Variants in AGMO observed in about 807,000 individuals in gnomAD.
The protein encoded by AGMO is glyceryl-ether monooxygenase.
A neutral mutation model predicts 60.2 loss-of-function variants in AGMO; 75 were observed. The ratio of observed to expected loss-of-function variants is 1.25; its 90% CI spans 1.03 to 1.51. The LOEUF (loss-of-function observed/expected upper bound fraction) is 1.51. Ranked by LOEUF, AGMO falls within the 40% of genes most tolerant of loss-of-function variation. AGMO has a pLI of 0.00. For synonymous variants in AGMO, 261 were observed against 177.1 expected (o/e 1.47, Z -3.76); for missense variants, 763 against 525.5 (o/e 1.45, Z -4.42).
At chr7:15,393,674 G>C (rs35049920) in intron 6 of AGMO, among the ~76,000 whole-genome samples, 55,092 of 151,690 alleles carry the variant, frequency 0.36, 10,387 homozygotes, top group Middle Eastern at 0.49. Context: ...AACGCCTTAG[G>C]CAGGAAGGTG....
intron 12 of AGMO, among the ~76,000 whole-genome samples, chr7:15,325,682 A>G (rs916778831): frequency 6.6e-6 from 1 of 152,206 alleles, no homozygotes. Flanking sequence ...CAAAATGCTT[A>G]AACTGAAAAT....
chr7:15,251,306 G>A (rs1340243472), intron 12 of AGMO, among the ~76,000 whole-genome samples: 3 of 152,084 alleles, frequency 2.0e-5, no homozygotes, highest in African/African-American at 7.2e-5. Flanking sequence ...CAGAGACTGA[G>A]GGGTCTATAA....
intron 12 of AGMO, among the ~76,000 whole-genome samples, chr7:15,354,354 AGACGTGTG>A (rs1563104983): frequency 4.7e-4 from 36 of 76,428 alleles, no homozygotes; most frequent in Non-Finnish European, 8.0e-4. Flanking sequence ...GCGTGTATAT[AGACGTGTG>A]TATATAGACG....
the AGMO span, among the ~76,000 whole-genome samples, chr7:15,158,437 A>G: frequency 6.6e-6 from 1 of 152,356 alleles, no homozygotes; most frequent in Admixed American, 6.5e-5. Context: ...AGGTGTAACA[A>G]CAACAACATA....
chr7:15,351,578 TA>T (rs1428122216), intron 12 of AGMO, among the ~76,000 whole-genome samples: 1 of 152,168 alleles, frequency 6.6e-6, no homozygotes, highest in Admixed American at 6.5e-5. Flanking sequence ...TCGTATCTTG[TA>T]AAAAAGAAAG....
chr7:15,493,038 T>C (rs1347393590), intron 3 of AGMO, among the ~76,000 whole-genome samples: 1 of 152,168 alleles, frequency 6.6e-6, no homozygotes, highest in Admixed American at 6.5e-5. Flanking sequence ...TTCCTTAGAA[T>C]AGATTCCTAA....
At chr7:15,198,992 A>G (rs974202226), downstream of AGMO, among the ~76,000 whole-genome samples, 2 of 152,176 alleles carry the variant, frequency 1.3e-5, no homozygotes, top group Non-Finnish European at 2.9e-5. Context: ...TCCCCAGGCA[A>G]GAAGGGGGTT....
intron 12 of AGMO, among the ~76,000 whole-genome samples, chr7:15,272,999 T>G (rs1188801993): frequency 6.6e-6 from 1 of 152,186 alleles, no homozygotes; most frequent in Non-Finnish European, 1.5e-5. Context: ...TCTTGTAAAT[T>G]TGGGTTCTTT....
the AGMO span, among the ~76,000 whole-genome samples, chr7:15,161,549 C>T: frequency 1.3e-5 from 2 of 150,930 alleles, no homozygotes; most frequent in Non-Finnish European, 2.9e-5. Context: ...TGCATTAATA[C>T]ATATATACAC....
At chr7:15,301,246 C>A (rs983034217) in intron 12 of AGMO, among the ~76,000 whole-genome samples, 2 of 152,034 alleles carry the variant, frequency 1.3e-5, no homozygotes, top group Non-Finnish European at 2.9e-5. Context: ...CGAGACCAGG[C>A]TGGCCAACAT....
intron 12 of AGMO, among the ~76,000 whole-genome samples, chr7:15,251,024 C>A (rs977596249): frequency 2.6e-5 from 4 of 151,926 alleles, no homozygotes; most frequent in Admixed American, 2.6e-4. Context: ...TTTGCTTATA[C>A]ATATACAAAA....
intron 3 of AGMO, among the ~76,000 whole-genome samples, chr7:15,541,959 T>C (rs956540038): frequency 3.3e-5 from 5 of 152,158 alleles, no homozygotes; most frequent in Non-Finnish European, 7.4e-5. Context: ...ATTTTTTTCT[T>C]ACTATATTTT....
intron 12 of AGMO, among the ~76,000 whole-genome samples, chr7:15,340,910 A>G (rs1235507771): frequency 6.6e-6 from 1 of 152,102 alleles, no homozygotes; most frequent in Non-Finnish European, 1.5e-5. Context: ...TGGTAGATTC[A>G]CTGACAGCTT....
intron 10 of AGMO, among the ~76,000 whole-genome samples, chr7:15,368,950 A>G (rs567027067): frequency 2.0e-5 from 3 of 152,216 alleles, no homozygotes; most frequent in Admixed American, 6.5e-5. Flanking sequence ...GAAACTTGGC[A>G]TGACTAAAAC....
chr7:15,321,421 TG>T (rs1583404337), intron 12 of AGMO, among the ~76,000 whole-genome samples: 1 of 152,188 alleles, frequency 6.6e-6, no homozygotes, highest in East Asian at 1.9e-4. Flanking sequence ...GAGAATCTGT[TG>T]GTGGCGAAAG....
chr7:15,449,898 T>C (rs765060361), intron 3 of AGMO, among the ~76,000 whole-genome samples: 2 of 152,158 alleles, frequency 1.3e-5, no homozygotes, highest in Non-Finnish European at 2.9e-5. Flanking sequence ...GATTTGAACA[T>C]CACTTGTTTT....
At chr7:15,176,604 T>G in the AGMO span, among the ~76,000 whole-genome samples, 1 of 151,938 alleles carries the variant, frequency 6.6e-6, no homozygotes, top group Admixed American at 6.6e-5. Flanking sequence ...GATATACTTA[T>G]GCATTGTATA....
chr7:15,253,026 A>G (rs1782986194), intron 12 of AGMO, among the ~76,000 whole-genome samples: 1 of 152,246 alleles, frequency 6.6e-6, no homozygotes, highest in South Asian at 2.1e-4. Context: ...CAGATTCAAA[A>G]GAGTAGTGAA....
chr7:15,542,087 T>C (rs1403835476), intron 3 of AGMO, among the ~76,000 whole-genome samples: 1 of 152,162 alleles, frequency 6.6e-6, no homozygotes, highest in Non-Finnish European at 1.5e-5. Flanking sequence ...ATGGGGTTTT[T>C]TTTAGCCCTG....
Sources: allele counts gnomAD v4.1 joint callset (sites outside exome capture counted in the v4.1 genomes callset), GRCh38; gene constraint gnomAD v4.1.1; transcripts MANE v1.5; gene names NCBI Gene and HGNC (gene_info 2026-07-23, HGNC 2026-07-21).